N4BP1: variants seen among roughly 807,000 people sequenced by gnomAD.
N4BP1 encodes NEDD4-binding protein 1.
A neutral mutation model predicts 70.9 loss-of-function variants in N4BP1; 21 were observed. That is an observed-to-expected ratio of 0.30 (90% CI 0.21 to 0.43). N4BP1 has a LOEUF of 0.43. Among genes scored for constraint, N4BP1 ranks in the 20% least tolerant of loss-of-function variants. N4BP1 has a pLI of 1.00. For missense variants in N4BP1, 936 were observed against 1,069.4 expected (o/e 0.88, Z 1.74); for synonymous variants, 387 against 394.6 (o/e 0.98, Z 0.23).
rs148110587 is a variant in N4BP1 at position 48,543,154 on chromosome 16, C to T, written c.2441G>A (p.Arg814Gln). 9,297 of 1,603,822 alleles carry T rather than the reference C, an allele frequency of 5.8e-3. 57 individuals are homozygous for T. Among genetic ancestry groups the T allele is most frequent in the Admixed American group, 6.2e-3 (369 of 59,630 alleles). The change falls in exon 7 of 7, where the codon CGG (arginine) becomes CAG (glutamine). Residue 814 changes from arginine (R) to glutamine (Q), a missense_variant. Coordinates refer to ENST00000262384, the MANE Select transcript of N4BP1 (RefSeq NM_153029.4). ...AASTSHQPPT[R>Q]IQGAPSSHWL... ...GTGGCTTGAAGGGGCTCCCTGAATCCGGGTCGGAGGCTGGTGGCTGGTGCT... is the reference window on the plus strand; with the variant it reads ...GTGGCTTGAAGGGGCTCCCTGAATCTGGGTCGGAGGCTGGTGGCTGGTGCT...
At chr16:48,577,806 C>A in intron 1 of N4BP1, 1 of 158,564 alleles carries the variant, frequency 6.3e-6, no homozygotes, top group South Asian at 1.7e-4. Flanking sequence ...CACCAGTGCC[C>A]CTGGGCGCAG....
intron 1 of N4BP1, chr16:48,600,210 C>A: frequency 2.8e-6 from 2 of 726,828 alleles, no homozygotes; most frequent in Non-Finnish European, 5.0e-6. Flanking sequence ...CTACCCTGGC[C>A]ACGGCATGAT....
intron 2 of N4BP1, among the ~76,000 whole-genome samples, chr16:48,558,968 T>C (rs1023399215): frequency 1.1e-4 from 17 of 152,226 alleles, no homozygotes; most frequent in African/African-American, 4.1e-4. Context: ...AAACACAGCT[T>C]CGATAATTCA....
At chr16:48,552,182 T>C (rs1292770151) in intron 3 of N4BP1, among the ~76,000 whole-genome samples, 1 of 152,144 alleles carries the variant, frequency 6.6e-6, no homozygotes, top group East Asian at 1.9e-4. Context: ...TGAAGCCTCC[T>C]CCTACTGGCC....
At chr16:48,549,027 T>C (rs1215917113) in intron 4 of N4BP1, among the ~76,000 whole-genome samples, 2 of 152,156 alleles carry the variant, frequency 1.3e-5, no homozygotes, top group African/African-American at 4.8e-5. Context: ...TGATTATTCA[T>C]GCTTAGACCC....
intron 1 of N4BP1, among the ~76,000 whole-genome samples, chr16:48,609,032 T>C (rs972895793): frequency 5.0e-5 from 7 of 139,046 alleles, no homozygotes; most frequent in South Asian, 2.4e-4. Context: ...CCGGGCAACA[T>C]AGTGAAATCC....
rs1165097163 is a variant in N4BP1 at position 48,600,353 on chromosome 16, A to G, written c.198+9422T>C. The G allele has an allele frequency of 8.9e-6, 7 of 789,776 alleles. 1 individual carries two copies. Among genetic ancestry groups the G allele is most frequent in the South Asian group, 5.3e-5 (4 of 75,040 alleles). 48.9% of individuals were successfully genotyped at this position (789,776 alleles called of 1,614,324 possible). On this transcript the variant is annotated intron_variant, in intron 1 of 6. Coordinates refer to ENST00000262384, the MANE Select transcript of N4BP1 (RefSeq NM_153029.4). Reference sequence around the variant, plus strand: ...GGAAAGCAGGTGGCAAAGAGCTTACACTGGATAATTCATTTGAATATGAAA... The same window carrying G: ...GGAAAGCAGGTGGCAAAGAGCTTACGCTGGATAATTCATTTGAATATGAAA...
In N4BP1 at chr16:48,561,171, C is replaced by A; in HGVS notation, c.1472G>T (p.Gly491Val). 1.2e-6 allele frequency: 2 copies of A among 1,613,980 alleles called. No individual in the cohort carries two copies. The highest frequency in any genetic ancestry group is 1.7e-6 in the Non-Finnish European group (2 of 1,179,868). ...YICNTDPETD[G>V]LSPSVASPSP... ...TGGAGAGGCAACAGAAGGTGAAAGG[C>A]CATCAGTTTCAGGGTCTGTGTTACA... Residue 491 changes from glycine (G) to valine (V), a missense_variant, in exon 2 of 7, where the codon GGC (glycine) becomes GTC (valine). Around this residue, in one of 4 missense-constraint regions of N4BP1, gnomAD observed 515 missense variants for 491.7 expected, o/e 1.05. Coordinates refer to ENST00000262384, the MANE Select transcript of N4BP1 (RefSeq NM_153029.4).
In N4BP1 at chr16:48,562,361, T is replaced by C. The variant is rs753380325; in HGVS notation, c.282A>G (p.Ala94=). The change falls in exon 2 of 7, where the codon GCA becomes GCG. Residue 94 remains alanine (A), a synonymous_variant. Coordinates refer to ENST00000262384, the MANE Select transcript of N4BP1 (RefSeq NM_153029.4). ...PKDMHCIFVG[A]ESLFLKSLIQ... Reference sequence around the variant, plus strand: ...TCAAGCTTTTCAGAAACAGGCTCTCTGCCCCAACAAAAATGCAGTGCATGT... The same window carrying C: ...TCAAGCTTTTCAGAAACAGGCTCTCCGCCCCAACAAAAATGCAGTGCATGT... The C allele has an allele frequency of 1.9e-6, 3 of 1,613,710 alleles. No individual in the cohort carries two copies. The highest frequency in any genetic ancestry group is 2.2e-5 in the East Asian group (1 of 44,882).
intron 1 of N4BP1, among the ~76,000 whole-genome samples, chr16:48,590,818 C>T (rs980152103): frequency 6.6e-6 from 1 of 152,182 alleles, no homozygotes. Context: ...GTGTCTGCAG[C>T]TCCATCACCG....
chr16:48,568,151 C>A (rs1280790369), intron 1 of N4BP1, among the ~76,000 whole-genome samples: 1 of 152,226 alleles, frequency 6.6e-6, no homozygotes, highest in Non-Finnish European at 1.5e-5. Flanking sequence ...CTGATGCTTT[C>A]CCTGTGGTCC....
At chr16:48,591,021 G>A (rs952526651) in intron 1 of N4BP1, among the ~76,000 whole-genome samples, 1 of 152,164 alleles carries the variant, frequency 6.6e-6, no homozygotes, top group Non-Finnish European at 1.5e-5. Flanking sequence ...AAGCTCTTCT[G>A]TCTGTCTTGT....
intron 1 of N4BP1, among the ~76,000 whole-genome samples, chr16:48,562,984 A>AAT (rs147846009): frequency 9.2e-5 from 14 of 151,776 alleles, no homozygotes; most frequent in African/African-American, 3.4e-4. Flanking sequence ...TTAATAAAAA[A>AAT]TTTTTTTCCA....
At chr16:48,576,732 T>C (rs1964100471) in intron 1 of N4BP1, among the ~76,000 whole-genome samples, 1 of 152,212 alleles carries the variant, frequency 6.6e-6, no homozygotes, top group Non-Finnish European at 1.5e-5. Context: ...TCCTACTTTT[T>C]CAAAGTCATG....
chr16:48,595,453 T>C (rs1597112096), intron 1 of N4BP1, among the ~76,000 whole-genome samples: 2 of 49,492 alleles, frequency 4.0e-5, no homozygotes, highest in African/African-American at 2.6e-4. Flanking sequence ...TGAGACTCTG[T>C]CTCAAAAAAA....
rs1042818632 is a variant in N4BP1 at position 48,589,472 on chromosome 16, C to T, written c.198+20303G>A. ...AGTTTCAGGATAGCTAATACCTATC[C>T]TGAAGGGTGTTGTTCCTGGAGAGGG... is the stretch of plus-strand genomic sequence containing the variant. On this transcript the variant is annotated intron_variant, in intron 1 of 6. Transcript: ENST00000262384. Among the ~76,000 whole-genome samples the T allele has an allele frequency of 9.9e-5, 15 of 152,226 alleles. 1 individual carries two copies. The highest frequency in any genetic ancestry group is 4.6e-4 in the Admixed American group (7 of 15,304).
intron 1 of N4BP1, among the ~76,000 whole-genome samples, chr16:48,564,335 T>C (rs1453762384): frequency 6.6e-6 from 1 of 152,234 alleles, no homozygotes; most frequent in Non-Finnish European, 1.5e-5. Flanking sequence ...CCATTTTTAG[T>C]ACATTTTAAA....
chr16:48,548,266 G>A (rs945566707), intron 4 of N4BP1, among the ~76,000 whole-genome samples, 152 bp from the exon 5 acceptor site: 4 of 152,194 alleles, frequency 2.6e-5, no homozygotes, highest in Non-Finnish European at 5.9e-5. Flanking sequence ...CCTATCAACT[G>A]AAGATCAATC....
chr16:48,609,509 T>A (rs1255002310), intron 1 of N4BP1, among the ~76,000 whole-genome samples: 3 of 152,026 alleles, frequency 2.0e-5, no homozygotes, highest in Non-Finnish European at 4.4e-5. Context: ...TTCATACACA[T>A]CCCCCACTTT....
Sources: allele counts gnomAD v4.1 joint callset (sites outside exome capture counted in the v4.1 genomes callset), GRCh38; gene constraint gnomAD v4.1.1; regional missense constraint gnomAD v4.1.1; transcripts MANE v1.5; gene names NCBI Gene and HGNC (gene_info 2026-07-23, HGNC 2026-07-21).